SLC24A2: variants seen among roughly 807,000 people sequenced by gnomAD.
SLC24A2 encodes the protein sodium/potassium/calcium exchanger 2.
SLC24A2 carries 36 observed loss-of-function variants against 62.0 expected under a neutral mutation model. That is an observed-to-expected ratio of 0.58 (90% CI 0.44 to 0.77). The LOEUF (loss-of-function observed/expected upper bound fraction) is 0.77. Ranked by LOEUF, SLC24A2 falls within the 30% of genes least tolerant of loss-of-function variation. SLC24A2 has a pLI of 0.00. For missense variants in SLC24A2, 846 were observed against 817.9 expected (o/e 1.03, Z -0.42); for synonymous variants, 358 against 294.0 (o/e 1.22, Z -2.23).
the SLC24A2 span, among the ~76,000 whole-genome samples, chr9:20,212,193 A>C: frequency 6.6e-6 from 1 of 151,866 alleles, no homozygotes; most frequent in African/African-American, 2.4e-5. Flanking sequence ...GTAAAAAGGA[A>C]AATTCAAGAC....
chr9:20,043,319 G>A, the SLC24A2 span, among the ~76,000 whole-genome samples: 1 of 152,184 alleles, frequency 6.6e-6, no homozygotes, highest in African/African-American at 2.4e-5. Flanking sequence ...TTGTTTTCTT[G>A]CCTGCTAACA....
chr9:20,092,393 G>A, the SLC24A2 span, among the ~76,000 whole-genome samples: 3 of 152,288 alleles, frequency 2.0e-5, no homozygotes, highest in Admixed American at 6.5e-5. Flanking sequence ...TTTGAATGCA[G>A]CCCAACGCAA....
chr9:19,888,771 T>C, the SLC24A2 span, among the ~76,000 whole-genome samples: 1 of 152,162 alleles, frequency 6.6e-6, no homozygotes, highest in Non-Finnish European at 1.5e-5. Context: ...GAAGTTGCTA[T>C]AGATCAACTG....
intron 2 of SLC24A2, among the ~76,000 whole-genome samples, chr9:19,765,971 T>G (rs183210802): frequency 3.3e-5 from 5 of 152,330 alleles, no homozygotes; most frequent in Non-Finnish European, 7.4e-5. Flanking sequence ...TAGTCCCATA[T>G]TTCTTGGAGG....
intron 9 of SLC24A2, among the ~76,000 whole-genome samples, chr9:19,522,737 C>T (rs1269546101): frequency 6.6e-6 from 1 of 152,132 alleles, no homozygotes. Flanking sequence ...ACATGGCAGG[C>T]TCTTAATACT....
intron 4 of SLC24A2, among the ~76,000 whole-genome samples, chr9:19,609,564 G>T (rs1424455794): frequency 6.6e-6 from 1 of 152,156 alleles, no homozygotes; most frequent in East Asian, 1.9e-4. Flanking sequence ...CATTTATTTA[G>T]ATCTTTTATG....
intron 4 of SLC24A2, among the ~76,000 whole-genome samples, chr9:19,600,023 A>T (rs999268493): frequency 6.6e-6 from 1 of 152,226 alleles, no homozygotes; most frequent in African/African-American, 2.4e-5. Flanking sequence ...CTATTAGTTA[A>T]CATTATCTAG....
chr9:20,161,137 G>C, the SLC24A2 span, among the ~76,000 whole-genome samples: 1 of 151,290 alleles, frequency 6.6e-6, no homozygotes, highest in African/African-American at 2.4e-5. Context: ...TGAAAACTTA[G>C]ATTGAATGCA....
chr9:20,299,925 T>C, the SLC24A2 span, among the ~76,000 whole-genome samples: 75 of 152,348 alleles, frequency 4.9e-4, 1 homozygote, highest in South Asian at 0.012. Flanking sequence ...CTCTACACAG[T>C]ATTCAATAAC....
chr9:19,873,536 C>CTTTCTTTCTTTCTTTCTTTCTT, the SLC24A2 span, among the ~76,000 whole-genome samples: 776 of 137,108 alleles, frequency 5.7e-3, 10 homozygotes, highest in East Asian at 0.019. Context: ...TCCTTTCTTT[C>CTTTCTTTCTTTCTTTCTTTCTT]TCTTTCTTTC....
At chr9:20,275,657 A>G in the SLC24A2 span, among the ~76,000 whole-genome samples, 1 of 152,244 alleles carries the variant, frequency 6.6e-6, no homozygotes, top group South Asian at 2.1e-4. Flanking sequence ...ATATAGCTAT[A>G]GTGACTGACA....
the SLC24A2 span, among the ~76,000 whole-genome samples, chr9:20,210,748 C>A: frequency 6.8e-6 from 1 of 147,212 alleles, no homozygotes; most frequent in African/African-American, 2.5e-5. Flanking sequence ...TCATGATCCA[C>A]TGGCCTCAGC....
At chr9:19,905,406 CT>C in the SLC24A2 span, among the ~76,000 whole-genome samples, 14,643 of 143,902 alleles carry the variant, frequency 0.1, 1,224 homozygotes, top group African/African-American at 0.24. Flanking sequence ...CTTCCCACCT[CT>C]TTTTTTTTTT....
chr9:20,003,254 A>G, the SLC24A2 span, among the ~76,000 whole-genome samples: 1 of 152,222 alleles, frequency 6.6e-6, no homozygotes, highest in African/African-American at 2.4e-5. Context: ...CACAGGCAAA[A>G]TGATGCTTGT....
chr9:20,145,601 ATGTGTGTG>A, the SLC24A2 span, among the ~76,000 whole-genome samples: 54 of 146,136 alleles, frequency 3.7e-4, 1 homozygote, highest in South Asian at 0.011. Flanking sequence ...CATCACATGT[ATGTGTGTG>A]TGTGTGTGTG....
At chr9:19,878,235 A>T in the SLC24A2 span, among the ~76,000 whole-genome samples, 1 of 152,160 alleles carries the variant, frequency 6.6e-6, no homozygotes, top group Non-Finnish European at 1.5e-5. Context: ...CTGGGAAAAC[A>T]GCTCCATAAC....
At chr9:20,056,771 G>A in the SLC24A2 span, among the ~76,000 whole-genome samples, 1 of 152,172 alleles carries the variant, frequency 6.6e-6, no homozygotes, top group Admixed American at 6.5e-5. Flanking sequence ...TAGATAGGCA[G>A]ATGTGGCCAC....
At chr9:20,075,491 C>A in the SLC24A2 span, among the ~76,000 whole-genome samples, 1 of 152,160 alleles carries the variant, frequency 6.6e-6, no homozygotes, top group Non-Finnish European at 1.5e-5. Context: ...GCCAATCAAG[C>A]CCAACATTGT....
chr9:19,866,183 C>G, the SLC24A2 span, among the ~76,000 whole-genome samples: 1 of 152,036 alleles, frequency 6.6e-6, no homozygotes, highest in Non-Finnish European at 1.5e-5. Context: ...GGCTTATAGC[C>G]AAAAGACAGG....
Sources: gnomAD v4.1 joint callset for allele counts (sites outside exome capture counted in the v4.1 genomes callset) on GRCh38, gnomAD v4.1.1 for gene constraint, MANE v1.5 for transcripts, NCBI Gene and HGNC (gene_info 2026-07-23, HGNC 2026-07-21) for gene names.